USP47: variants seen among roughly 807,000 people sequenced by gnomAD.
The protein encoded by USP47 is ubiquitin specific peptidase 47.
Under a neutral mutation model 165.1 loss-of-function variants are expected in USP47, and 35 were observed. The observed-to-expected ratio is 0.21, with a 90% CI of 0.16 to 0.28. USP47 has a LOEUF of 0.28. USP47 is among the 10% of genes least tolerant of loss of function. USP47 has a pLI of 1.00. For synonymous variants in USP47, 531 were observed against 544.5 expected (o/e 0.98, Z 0.35); for missense variants, 1,277 against 1,607.4 (o/e 0.79, Z 3.52).
At chr11:11,941,682 A>G (rs930892622) in intron 19 of USP47, among the ~76,000 whole-genome samples, 1 of 152,094 alleles carries the variant, frequency 6.6e-6, no homozygotes, top group African/African-American at 2.4e-5. Context: ...TATAGATAAT[A>G]TGAACATATA....
rs181573127 is a variant in USP47, at chr11:11,931,454, A to T, written c.1651+703A>T. Reference sequence around the variant, plus strand: ...ATTATAGTAAGTCATTTCAGAACAGAGATTTAAGAGCAGAAGTAATCATTT... The same window carrying T: ...ATTATAGTAAGTCATTTCAGAACAGTGATTTAAGAGCAGAAGTAATCATTT... On this transcript the variant is annotated intron_variant, in intron 14 of 27. Transcript: ENST00000527733. Among the ~76,000 whole-genome samples, 212 of 152,206 alleles carry T rather than the reference A, an allele frequency of 1.4e-3. 2 individuals carry two copies. The highest frequency in any genetic ancestry group is 4.5e-3 in the African/African-American group (188 of 41,576).
chr11:11,915,769 T>A (rs965536835), intron 8 of USP47, among the ~76,000 whole-genome samples: 1 of 152,162 alleles, frequency 6.6e-6, no homozygotes, highest in African/African-American at 2.4e-5. Flanking sequence ...GAAAGACAGT[T>A]GAATATATTT....
chr11:11,927,937 T>C (rs1854372652), intron 11 of USP47, among the ~76,000 whole-genome samples: 1 of 152,118 alleles, frequency 6.6e-6, no homozygotes, highest in African/African-American at 2.4e-5. Context: ...CATGACTGTA[T>C]TATCTTTGCT....
chr11:11,938,161 T>A (rs1448925643), intron 17 of USP47, 96 bp from the exon 18 acceptor site: 11 of 1,002,104 alleles, frequency 1.1e-5, no homozygotes, highest in African/African-American at 1.6e-5. Context: ...AGTTTGGATT[T>A]GTCACCTGTT....
chr11:11,950,271 A>G, intron 23 of USP47, 93 bp from the exon 24 acceptor site: 2 of 870,686 alleles, frequency 2.3e-6, no homozygotes, highest in Non-Finnish European at 3.5e-6. Context: ...GTATTTGAAC[A>G]TAGTTCATTT....
intron 1 of USP47, among the ~76,000 whole-genome samples, chr11:11,862,388 G>C (rs919340001): frequency 5.3e-5 from 8 of 151,298 alleles, no homozygotes; most frequent in Non-Finnish European, 1.0e-4. Flanking sequence ...AAGCACAATC[G>C]TGCATAAGAA....
chr11:11,905,618 CTT>C, intron 8 of USP47, 70 bp downstream of exon 8: 3 of 1,403,724 alleles, frequency 2.1e-6, no homozygotes, highest in Non-Finnish European at 2.9e-6. Flanking sequence ...GGTATAATCT[CTT>C]GTAAGGTAAG....
In USP47 at chr11:11,842,011, G is replaced by C. The variant is rs913948508; in HGVS notation, c.-175G>C. ...TGGTAGCGGCGGCGGCGGCGGCGGA[G>C]CCCTGGGTCGGTGTCTGCGCGCTGG... On this transcript the variant is annotated 5_prime_UTR_variant, in exon 1 of 28. Coordinates refer to ENST00000527733, the MANE Select transcript of USP47 (RefSeq NM_001282659.2). 1.5e-6 allele frequency: 1 copy of C among 681,808 alleles called. No homozygotes were observed. The highest frequency in any genetic ancestry group is 2.3e-6 in the Non-Finnish European group (1 of 429,486). 42.2% of individuals were successfully genotyped at this position (681,808 alleles called of 1,614,324 possible).
rs761242043 is a variant in USP47 at position 11,933,918 on chromosome 11, G to A, written c.1852G>A (p.Val618Ile). ...VHKDKTLKEA[V>I]EMAYKMMDLE... Reference sequence around the variant, plus strand: ...TAAGGATAAGACATTAAAGGAAGCAGTAGAAATGGCTTATAAGGTATGTTT... The same window carrying A: ...TAAGGATAAGACATTAAAGGAAGCAATAGAAATGGCTTATAAGGTATGTTT... The change falls in exon 16 of 28, where the codon GTA (valine) becomes ATA (isoleucine). Residue 618 changes from valine (V) to isoleucine (I), a missense_variant. Val to Ile is a conservative substitution (Grantham distance 29). Coordinates refer to ENST00000527733, the MANE Select transcript of USP47 (RefSeq NM_001282659.2). 4.4e-6 allele frequency: 7 copies of A among 1,606,656 alleles called. No individual in the cohort carries two copies. The Admixed American group carries it at 8.4e-5, about 19-fold the overall frequency.
At chr11:11,851,321 T>C (rs1406245092) in intron 1 of USP47, among the ~76,000 whole-genome samples, 1 of 152,220 alleles carries the variant, frequency 6.6e-6, no homozygotes, top group Non-Finnish European at 1.5e-5. Context: ...GATTGTTTAG[T>C]CTTTTATCAG....
At chr11:11,939,305 G>C (rs1855305597) in intron 18 of USP47, among the ~76,000 whole-genome samples, 1 of 151,936 alleles carries the variant, frequency 6.6e-6, no homozygotes, top group East Asian at 1.9e-4. Flanking sequence ...GTTGAGTCCA[G>C]TTTTCAGTCA....
chr11:11,921,920 A>ACC (rs1564880830), intron 10 of USP47, among the ~76,000 whole-genome samples: 1 of 151,952 alleles, frequency 6.6e-6, no homozygotes, highest in African/African-American at 2.4e-5. Flanking sequence ...AAGACTGTAT[A>ACC]TTAGATGTAG....
At chr11:11,909,667 G>T (rs1360742927) in intron 8 of USP47, among the ~76,000 whole-genome samples, 1 of 151,998 alleles carries the variant, frequency 6.6e-6, no homozygotes, top group South Asian at 2.1e-4. Flanking sequence ...TTATTCTATT[G>T]TTCATTACGT....
chr11:11,849,455 C>T (rs751674540), intron 1 of USP47, among the ~76,000 whole-genome samples: 2 of 152,160 alleles, frequency 1.3e-5, no homozygotes, highest in Non-Finnish European at 2.9e-5. Context: ...TATTCTTCTG[C>T]ACTGCACAAG....
intron 11 of USP47, among the ~76,000 whole-genome samples, chr11:11,924,417 C>G (rs1299774742): frequency 6.6e-6 from 1 of 152,066 alleles, no homozygotes; most frequent in Admixed American, 6.5e-5. Context: ...ATGCATTGAT[C>G]TGTAGTTTTC....
In USP47 at chr11:11,961,340, G is replaced by C. The variant is rs984863777; in HGVS notation, c.*5165G>C. 7.2e-5 allele frequency among the ~76,000 whole-genome samples: 11 copies of C among 152,156 alleles called. No individual in the cohort carries two copies. Among genetic ancestry groups the C allele is most frequent in the African/African-American group, 2.7e-4 (11 of 41,428 alleles). On this transcript the variant is annotated 3_prime_UTR_variant, in exon 28 of 28. Coordinates refer to ENST00000527733, the MANE Select transcript of USP47 (RefSeq NM_001282659.2). ...ACCTTGACGTGGGAAGATTATTCTG[G>C]ATTATCTAGGTGGGCGCAATTTGAT...
intron 8 of USP47, among the ~76,000 whole-genome samples, chr11:11,908,191 T>C (rs757624134): frequency 9.2e-5 from 14 of 152,254 alleles, no homozygotes; most frequent in Non-Finnish European, 1.9e-4. Flanking sequence ...TTGTATGTTT[T>C]GTTTAGTGTG....
intron 1 of USP47, among the ~76,000 whole-genome samples, chr11:11,864,247 C>A (rs1312225572): frequency 6.6e-6 from 1 of 151,774 alleles, no homozygotes; most frequent in African/African-American, 2.4e-5. Context: ...TTATAATATG[C>A]CTATATGTAG....
At chr11:11,873,832 T>A (rs1056371748) in intron 1 of USP47, 2 of 1,490,742 alleles carry the variant, frequency 1.3e-6, no homozygotes, top group African/African-American at 2.8e-5. Flanking sequence ...AAAATATCTT[T>A]GATGAAATGA....
Sources: gnomAD v4.1 joint callset for allele counts (sites outside exome capture counted in the v4.1 genomes callset) on GRCh38, gnomAD v4.1.1 for gene constraint, MANE v1.5 for transcripts, NCBI Gene and HGNC (gene_info 2026-07-23, HGNC 2026-07-21) for gene names.